The following ING1 variants were observed in gnomAD, a reference collection of about 807,000 sequenced individuals.
ING1 encodes the protein inhibitor of growth protein 1.
ING1 carries 4 observed loss-of-function variants against 23.1 expected under a neutral mutation model. That is an observed-to-expected ratio of 0.17 (90% CI 0.09 to 0.40). The LOEUF is 0.40. Among genes scored for constraint, ING1 ranks in the 10% least tolerant of loss-of-function variants. The pLI is 1.00. For missense variants in ING1, 256 were observed against 393.8 expected (o/e 0.65, Z 2.96); for synonymous variants, 179 against 166.4 (o/e 1.08, Z -0.58).
In ING1 at chr13:110,720,884, C is replaced by T. The variant is rs2064166798; in HGVS notation, c.*952C>T. The T allele has an allele frequency of 6.0e-6, 1 of 167,066 alleles. No individual in the cohort carries two copies. The highest frequency in any genetic ancestry group is 1.5e-5 in the Non-Finnish European group (1 of 68,112). 10.3% of individuals were successfully genotyped at this position (167,066 alleles called of 1,614,324 possible). ...CTTAAGCAAATTTTGTATTATTGTT[C>T]TCACTTATTATTAATAATGAAGTAG... On this transcript the variant is annotated 3_prime_UTR_variant, in exon 2 of 2. Coordinates refer to ENST00000333219, the MANE Select transcript of ING1 (RefSeq NM_198219.3).
At chr13:110,713,016 A>C, upstream of ING1, 5 of 1,514,912 alleles carry the variant, frequency 3.3e-6, no homozygotes, top group Admixed American at 6.3e-5. Flanking sequence ...AGCTCAAAGG[A>C]CACCGAGAGG....
At chr13:110,715,760 G>A in intron 1 of ING1, 1 of 1,584,104 alleles carries the variant, frequency 6.3e-7, no homozygotes, top group Non-Finnish European at 8.6e-7. Context: ...CGGGGTGCGG[G>A]GCGAGTCTCC....
At chr13:110,715,710 T>G (rs201772035) in intron 1 of ING1, 3 of 1,591,824 alleles carry the variant, frequency 1.9e-6, no homozygotes, top group East Asian at 2.3e-5. Flanking sequence ...CCTCCTGGCC[T>G]CCGCCCTCCA....
chr13:110,717,572 A>G (rs530794146), intron 1 of ING1, among the ~76,000 whole-genome samples: 5 of 152,164 alleles, frequency 3.3e-5, no homozygotes, highest in Non-Finnish European at 4.4e-5. Flanking sequence ...CACTCCTGTA[A>G]TCCCAGCACC....
intron 1 of ING1, chr13:110,716,021 G>GGCT (rs2064118996): frequency 6.7e-7 from 1 of 1,491,224 alleles, no homozygotes; most frequent in East Asian, 2.3e-5. Flanking sequence ...GAGTGACTGG[G>GGCT]GCTGCGTCCA....
chr13:110,716,675 C>T (rs1368131947), intron 1 of ING1, among the ~76,000 whole-genome samples: 1 of 152,178 alleles, frequency 6.6e-6, no homozygotes, highest in Non-Finnish European at 1.5e-5. Flanking sequence ...AATTAAAATA[C>T]ATTTAAAATA....
intron 1 of ING1, among the ~76,000 whole-genome samples, chr13:110,717,846 GTAT>G (rs1354249367): frequency 1.1e-4 from 16 of 152,282 alleles, no homozygotes; most frequent in African/African-American, 3.8e-4. Context: ...AAAAAAGGTA[GTAT>G]TGTTGCCTTG....
At position 110,720,311 on chromosome 13, in the gene ING1, T is replaced by C. The variant is rs1474980166; in HGVS notation, c.*379T>C. The C allele has an allele frequency of 5.8e-6, 1 of 170,966 alleles. No individual in the cohort carries two copies. The highest frequency in any genetic ancestry group is 2.4e-5 in the African/African-American group (1 of 41,616). 10.6% of individuals were successfully genotyped at this position (170,966 alleles called of 1,614,324 possible). On this transcript the variant is annotated 3_prime_UTR_variant, in exon 2 of 2. Transcript: ENST00000333219. ...TATTATTACTTTATGAACAATTTTT[T>C]TTAATTGGCCATGTCGCCAAAAATA...
Position 110,715,885 on chromosome 13 carries a change from C to T in ING1, c.136+1600C>T, listed in dbSNP as rs751147941. 38 of 1,589,498 alleles carry T rather than the reference C, an allele frequency of 2.4e-5. No homozygotes were observed. In the African/African-American group the frequency reaches 5.0e-4, roughly 21 times the overall value. On this transcript the variant is annotated intron_variant, in intron 1 of 1. Coordinates refer to ENST00000333219, the MANE Select transcript of ING1 (RefSeq NM_198219.3). ...TATAGCAGTAGCAGTGATCCCGGGC[C>T]TGTGGGCTCGGGGCCGGGGCTGCAG...
chr13:110,718,157 C>CT (rs1176524851), intron 1 of ING1, among the ~76,000 whole-genome samples: 1 of 152,238 alleles, frequency 6.6e-6, no homozygotes, highest in Non-Finnish European at 1.5e-5. Context: ...AGTCCATTGA[C>CT]TTTAACAGAT....
Position 110,719,113 on chromosome 13 carries a change from C to CA in ING1, c.137-114dup. 1 of 938,084 alleles carries CA rather than the reference C, an allele frequency of 1.1e-6. No homozygotes were observed. Among genetic ancestry groups the CA allele is most frequent in the Non-Finnish European group, 1.6e-6 (1 of 630,886 alleles). The allele number at this position is 938,084 out of a possible 1,614,324, so 58.1% of individuals were successfully genotyped here. A position where few individuals can be genotyped will look rare whatever the true frequency, so the allele number is the denominator to read the frequency against. ...TGTGGCTGGTGGGCTTTGTTCTGGG[C>CA]AAGCCGTGCGCTGGCCCCTAGGCTC... is the stretch of plus-strand genomic sequence containing the variant. On this transcript the variant is annotated intron_variant, in intron 1 of 1. Coordinates refer to ENST00000333219, the MANE Select transcript of ING1 (RefSeq NM_198219.3). This position sits in a 1 kb window ranked among gnomAD's most constrained non-coding sequence, Gnocchi z 8.9.
upstream of ING1, chr13:110,713,055 GCC>G: frequency 6.8e-7 from 1 of 1,463,090 alleles, no homozygotes; most frequent in Non-Finnish European, 9.0e-7. Flanking sequence ...CGCCACTTCC[GCC>G]CGTGCCCGGC....
At chr13:110,716,738 C>T (rs2064126959) in intron 1 of ING1, among the ~76,000 whole-genome samples, 1 of 152,174 alleles carries the variant, frequency 6.6e-6, no homozygotes, top group Non-Finnish European at 1.5e-5. Flanking sequence ...CTGTAAATTG[C>T]ATGTGCTGCT....
intron 1 of ING1, chr13:110,715,568 C>A: frequency 6.2e-7 from 1 of 1,613,836 alleles, no homozygotes; most frequent in Non-Finnish European, 8.5e-7. Context: ...TTTTCTTTTT[C>A]GGGGAGGAGC....
chr13:110,718,608 C>A (rs1373205724), intron 1 of ING1, among the ~76,000 whole-genome samples: 1 of 151,888 alleles, frequency 6.6e-6, no homozygotes, highest in Admixed American at 6.6e-5. Flanking sequence ...TCATAGAGAG[C>A]TATTATATAA....
At chr13:110,717,699 T>C (rs2064135920) in intron 1 of ING1, among the ~76,000 whole-genome samples, 2 of 152,274 alleles carry the variant, frequency 1.3e-5, no homozygotes, top group East Asian at 1.9e-4. Context: ...TGGTATTACA[T>C]GCCTGTAATC....
upstream of ING1, chr13:110,712,814 T>C (rs758708426): frequency 1.6e-5 from 13 of 833,612 alleles, no homozygotes; most frequent in Non-Finnish European, 1.8e-5. Context: ...TATCCACCTC[T>C]TCTGGGGCTC....
At chr13:110,713,557 T>G (rs1416868556), upstream of ING1, 7 of 985,924 alleles carry the variant, frequency 7.1e-6, no homozygotes, top group Non-Finnish European at 8.4e-6. Context: ...AGGGCCGGCC[T>G]GGAGCCCGCA....
chr13:110,715,637 G>T, intron 1 of ING1: 1 of 1,613,744 alleles, frequency 6.2e-7, no homozygotes, highest in South Asian at 1.1e-5. Context: ...CTCCAGCCTT[G>T]GATTGGTTCT....
Sources: allele counts gnomAD v4.1 joint callset (sites outside exome capture counted in the v4.1 genomes callset), GRCh38; gene constraint gnomAD v4.1.1; non-coding constraint Gnocchi (gnomAD v3.1); transcripts MANE v1.5; gene names NCBI Gene and HGNC (gene_info 2026-07-23, HGNC 2026-07-21).